KRT8: variants seen among roughly 807,000 people sequenced by gnomAD.
KRT8 encodes keratin 8.
Under a neutral mutation model 43.0 loss-of-function variants are expected in KRT8, and 24 were observed. The observed-to-expected ratio is 0.56, with a 90% CI of 0.40 to 0.78. The LOEUF (loss-of-function observed/expected upper bound fraction) is 0.78, where lower values mean the gene tolerates loss of function less well. Among genes scored for constraint, KRT8 ranks in the 30% least tolerant of loss-of-function variants. The probability of loss-of-function intolerance (pLI) is 0.00; values close to 1 mark genes in which losing one functional copy is unlikely to be tolerated. For synonymous variants in KRT8, 214 were observed against 261.2 expected (o/e 0.82, Z 1.74); for missense variants, 492 against 638.4 (o/e 0.77, Z 2.47).
At chr12:52,917,484 G>A (rs1052066016) in intron 2 of KRT8, among the ~76,000 whole-genome samples, 7 of 151,980 alleles carry the variant, frequency 4.6e-5, no homozygotes, top group African/African-American at 1.7e-4. Flanking sequence ...GAGGGGGGCG[G>A]ATCATCTGAG....
At chr12:52,906,983 C>T (rs1189621331), upstream of KRT8, 4 of 344,358 alleles carry the variant, frequency 1.2e-5, no homozygotes, top group South Asian at 4.4e-5. Flanking sequence ...TCACAATGCA[C>T]GCGTGCATAC....
chr12:52,921,987 A>AT (rs1941894885), intron 2 of KRT8, among the ~76,000 whole-genome samples: 2 of 151,416 alleles, frequency 1.3e-5, no homozygotes, highest in Admixed American at 1.3e-4. Flanking sequence ...ACAACACAGC[A>AT]AGACCCTGTC....
At chr12:52,926,475 T>C (rs1461979962) in intron 2 of KRT8, 2 of 1,535,484 alleles carry the variant, frequency 1.3e-6, no homozygotes, top group Admixed American at 3.9e-5. Flanking sequence ...TGAATGAAAA[T>C]CATGCATCAG....
At chr12:52,902,111 G>T (rs770732967) in intron 1 of KRT8, 39 bp from the exon 2 acceptor site, 3 of 1,330,066 alleles carry the variant, frequency 2.3e-6, no homozygotes, top group Non-Finnish European at 3.2e-6. Flanking sequence ...TCTACATCAG[G>T]CCAGGGCTCA....
At chr12:52,921,635 GGAAGCCC>G (rs1941888415) in intron 2 of KRT8, among the ~76,000 whole-genome samples, 1 of 151,934 alleles carries the variant, frequency 6.6e-6, no homozygotes, top group African/African-American at 2.4e-5. Flanking sequence ...ACTTCCTTCA[GGAAGCCC>G]TCCCAGATGG....
chr12:52,938,641 G>A (rs147682716), intron 2 of KRT8, among the ~76,000 whole-genome samples: 4,072 of 148,274 alleles, frequency 0.027, 72 homozygotes, highest in Middle Eastern at 0.081. Flanking sequence ...TTTTTGAGAC[G>A]GAGTCTCGCT....
upstream of KRT8, among the ~76,000 whole-genome samples, chr12:52,907,647 G>A (rs1352955666): frequency 1.3e-5 from 2 of 152,216 alleles, no homozygotes; most frequent in Admixed American, 6.5e-5. Context: ...GCCAGGGGAA[G>A]CCCTTTTTTT....
intron 2 of KRT8, among the ~76,000 whole-genome samples, chr12:52,938,183 TTTA>T (rs1461565157): frequency 0.051 from 4,165 of 81,974 alleles, 435 homozygotes; most frequent in East Asian, 0.1. Flanking sequence ...TTTTTTTTTT[TTTA>T]TATATAAGGT....
intron 2 of KRT8, chr12:52,949,357 G>A (rs747629868): frequency 6.2e-7 from 1 of 1,611,062 alleles, no homozygotes; most frequent in Admixed American, 1.7e-5. Flanking sequence ...GGGGTCCGGG[G>A]GCCTGGCCAC....
Position 52,902,083 on chromosome 12 carries a change from G to T in KRT8, c.325-11C>A. 1 of 1,581,254 alleles carries T rather than the reference G, an allele frequency of 6.3e-7. No individual in the cohort carries two copies. The highest frequency in any genetic ancestry group is 1.1e-5 in the South Asian group (1 of 90,702). On this transcript the variant is annotated splice_polypyrimidine_tract_variant and intron_variant, in intron 1 of 7. Transcript: ENST00000692008. ...CTCCAGGAACCGTACCTATACGAAGGAGGAGAGAGCAAAAAGGTCTACATC... is the reference window on the plus strand; with the variant it reads ...CTCCAGGAACCGTACCTATACGAAGTAGGAGAGAGCAAAAAGGTCTACATC...
At chr12:52,931,707 G>A (rs1336606591) in intron 2 of KRT8, among the ~76,000 whole-genome samples, 1 of 151,360 alleles carries the variant, frequency 6.6e-6, no homozygotes, top group Non-Finnish European at 1.5e-5. Context: ...TTGTTGCCCA[G>A]GCTGGATTGC....
At chr12:52,901,746 C>T in intron 2 of KRT8, 118 bp downstream of exon 2, 2 of 769,276 alleles carry the variant, frequency 2.6e-6, no homozygotes. Flanking sequence ...GGTGGTCACC[C>T]TAATTAGATA....
At chr12:52,938,793 G>A (rs531859573) in intron 2 of KRT8, among the ~76,000 whole-genome samples, 2 of 151,970 alleles carry the variant, frequency 1.3e-5, no homozygotes, top group African/African-American at 2.4e-5. Flanking sequence ...AATTTTTTGT[G>A]TTTTTAGTAG....
chr12:52,899,734 T>A, intron 5 of KRT8, 41 bp downstream of exon 5: 1 of 1,557,434 alleles, frequency 6.4e-7, no homozygotes. Flanking sequence ...CTCACCAGGA[T>A]GTGTCCAAGG....
At chr12:52,930,361 G>T (rs1028116273) in intron 2 of KRT8, among the ~76,000 whole-genome samples, 1 of 152,120 alleles carries the variant, frequency 6.6e-6, no homozygotes. Flanking sequence ...GGGAAGCTGG[G>T]ATTATAGGCA....
chr12:52,911,939 G>A (rs751326193), upstream of KRT8, among the ~76,000 whole-genome samples: 2 of 152,204 alleles, frequency 1.3e-5, no homozygotes, highest in Non-Finnish European at 2.9e-5. Context: ...TGAGGTAGGA[G>A]AATTGCTTGA....
chr12:52,904,765 G>A (rs1472525164), exon 1 of KRT8: 1 of 1,612,506 alleles, frequency 6.2e-7, no homozygotes. Context: ...AGGGGGCTCA[G>A]CAGGCTCTGG....
intron 2 of KRT8, among the ~76,000 whole-genome samples, chr12:52,916,941 C>T (rs1941752537): frequency 6.6e-6 from 1 of 152,108 alleles, no homozygotes; most frequent in African/African-American, 2.4e-5. Context: ...AAGAGGTTCC[C>T]AATGTGTATA....
chr12:52,901,715 T>A (rs1941374322), intron 2 of KRT8, 149 bp downstream of exon 2: 2 of 677,340 alleles, frequency 3.0e-6, no homozygotes, highest in Non-Finnish European at 5.4e-6. Flanking sequence ...AAACACAGAC[T>A]GTTCCGAGCA....
Sources: allele counts gnomAD v4.1 joint callset (sites outside exome capture counted in the v4.1 genomes callset), GRCh38; gene constraint gnomAD v4.1.1; transcripts MANE v1.5; gene names NCBI Gene and HGNC (gene_info 2026-07-23, HGNC 2026-07-21).